Variants in NECTIN3 observed in about 807,000 individuals in gnomAD.
The protein encoded by NECTIN3 is nectin cell adhesion molecule 3, also known as nectin-3.
NECTIN3 carries 8 observed loss-of-function variants against 49.4 expected under a neutral mutation model. That is an observed-to-expected ratio of 0.16 (90% CI 0.10 to 0.29). The LOEUF is 0.29. Ranked by LOEUF, NECTIN3 falls within the 10% of genes least tolerant of loss-of-function variation. The pLI, the probability that NECTIN3 is intolerant of heterozygous loss-of-function variation, is 1.00. For synonymous variants in NECTIN3, 277 were observed against 241.1 expected (o/e 1.15, Z -1.38); for missense variants, 581 against 654.6 (o/e 0.89, Z 1.23).
intron 7 of NECTIN3, among the ~76,000 whole-genome samples, chr3:111,153,260 G>A (rs1175036062): frequency 1.3e-5 from 2 of 151,406 alleles, no homozygotes; most frequent in Non-Finnish European, 3.0e-5. Context: ...GCTCTGAGGT[G>A]GAAAAAAAAT....
chr3:111,085,823 GT>G (rs1559767787), intron 1 of NECTIN3, among the ~76,000 whole-genome samples: 1 of 151,882 alleles, frequency 6.6e-6, no homozygotes, highest in Non-Finnish European at 1.5e-5. Context: ...TGGTACTGCT[GT>G]GAACATCATC....
chr3:111,088,601 A>C (rs1576080534), intron 1 of NECTIN3, among the ~76,000 whole-genome samples: 1 of 152,156 alleles, frequency 6.6e-6, no homozygotes, highest in Non-Finnish European at 1.5e-5. Flanking sequence ...TATGGGCCCA[A>C]CATGCTTCTG....
intron 7 of NECTIN3, among the ~76,000 whole-genome samples, chr3:111,176,591 C>G (rs894424731): frequency 4.6e-5 from 7 of 152,050 alleles, no homozygotes; most frequent in African/African-American, 1.7e-4. Context: ...CAGACAGTTT[C>G]TCTTTGTATT....
intron 1 of NECTIN3, among the ~76,000 whole-genome samples, chr3:111,193,025 G>A (rs970452711): frequency 6.6e-6 from 1 of 152,162 alleles, no homozygotes; most frequent in Non-Finnish European, 1.5e-5. Flanking sequence ...GGTATTGTAA[G>A]CGACAAATGA....
At chr3:111,178,346 A>G (rs1012398869) in intron 7 of NECTIN3, among the ~76,000 whole-genome samples, 2 of 152,212 alleles carry the variant, frequency 1.3e-5, no homozygotes, top group Admixed American at 6.5e-5. Context: ...ATTACAATCT[A>G]TAATATTACA....
At chr3:111,179,772 A>T (rs1423186708) in intron 7 of NECTIN3, among the ~76,000 whole-genome samples, 1 of 151,948 alleles carries the variant, frequency 6.6e-6, no homozygotes, top group Non-Finnish European at 1.5e-5. Context: ...CGGGACCTGT[A>T]GTCCAAGCTA....
Position 111,122,227 on chromosome 3 carries a change from T to C in NECTIN3, c.906T>C (p.Ser302=). 6.2e-7 allele frequency: 1 copy of C among 1,605,546 alleles called. No homozygotes were observed. Among genetic ancestry groups the C allele is most frequent in the Non-Finnish European group, 8.5e-7 (1 of 1,172,642 alleles). ...NADANPPPFK[S]VWSRLDGQWP... is the part of the protein sequence containing the mutation. ...ATGCAAATCCACCACCCTTCAAATC[T>C]GTGTGGAGCAGGTAATGTTATATAC... Residue 302 remains serine, a synonymous_variant, in exon 4 of 6, where the codon TCT becomes TCC. Transcript: ENST00000485303.
At chr3:111,183,681 G>C (rs1325011920) in intron 7 of NECTIN3, among the ~76,000 whole-genome samples, 1 of 151,846 alleles carries the variant, frequency 6.6e-6, no homozygotes, top group Non-Finnish European at 1.5e-5. Context: ...TAAAATTATA[G>C]TTTTATTGTC....
At chr3:111,112,800 T>C (rs1418303293) in intron 2 of NECTIN3, among the ~76,000 whole-genome samples, 8 of 152,170 alleles carry the variant, frequency 5.3e-5, no homozygotes, top group African/African-American at 9.7e-5. Flanking sequence ...TATCACATTT[T>C]ATTCCTGCTA....
chr3:111,096,983 A>G (rs763261240), intron 1 of NECTIN3, among the ~76,000 whole-genome samples: 15 of 152,154 alleles, frequency 9.9e-5, no homozygotes, highest in Non-Finnish European at 1.8e-4. Flanking sequence ...GAAGAGGGCC[A>G]CTGTCCTCCA....
At chr3:111,129,478 A>G (rs1017550780) in intron 5 of NECTIN3, among the ~76,000 whole-genome samples, 11 of 152,198 alleles carry the variant, frequency 7.2e-5, no homozygotes, top group African/African-American at 2.4e-4. Context: ...TAGACGTTCA[A>G]TACAGTTTTG....
At chr3:111,158,997 C>T (rs2035154268) in intron 7 of NECTIN3, among the ~76,000 whole-genome samples, 1 of 152,112 alleles carries the variant, frequency 6.6e-6, no homozygotes, top group African/African-American at 2.4e-5. Flanking sequence ...CATTACTAGT[C>T]AACAGGTAAA....
At chr3:111,139,411 A>T (rs2034684727), downstream of NECTIN3, among the ~76,000 whole-genome samples, 1 of 151,734 alleles carries the variant, frequency 6.6e-6, no homozygotes, top group African/African-American at 2.4e-5. Context: ...TCCAGTTTAA[A>T]TTCTGCCATT....
chr3:111,116,359 G>C (rs1414130853), intron 2 of NECTIN3, among the ~76,000 whole-genome samples: 1 of 152,132 alleles, frequency 6.6e-6, no homozygotes, highest in African/African-American at 2.4e-5. Context: ...CCTAAGGACA[G>C]CACTTAGCTA....
In NECTIN3 at chr3:111,136,146, T is replaced by A; in HGVS notation, c.*1931T>A. Reference sequence around the variant, plus strand: ...TGAAAGATGTAAAACTATGGCTTTTTTTAAAATCAAAATTTCATCTTTTAA... The same window carrying A: ...TGAAAGATGTAAAACTATGGCTTTTATTAAAATCAAAATTTCATCTTTTAA... On this transcript the variant is annotated 3_prime_UTR_variant, in exon 6 of 6. Transcript: ENST00000485303. 1 of 982,802 alleles carries A rather than the reference T, an allele frequency of 1.0e-6. No homozygotes were observed. The highest frequency in any genetic ancestry group is 1.2e-6 in the Non-Finnish European group (1 of 827,728). 60.9% of individuals were successfully genotyped at this position (982,802 alleles called of 1,614,324 possible).
intron 1 of NECTIN3, chr3:111,077,038 G>T (rs2031252226): frequency 6.0e-6 from 1 of 167,938 alleles, no homozygotes; most frequent in Admixed American, 6.1e-5. Context: ...TTCTAAAAGA[G>T]TTACTAATTA....
intron 4 of NECTIN3, 69 bp downstream of exon 4, chr3:111,122,307 GT>G: frequency 8.2e-7 from 1 of 1,212,874 alleles, no homozygotes; most frequent in Non-Finnish European, 1.2e-6. Flanking sequence ...ATTCTAAATT[GT>G]TTTTATCTGT....
rs777960751 is a variant in NECTIN3 at position 111,133,648 on chromosome 3, T to A, written c.1083T>A (p.Thr361=). The change falls in exon 6 of 6, where the codon ACT becomes ACA. Residue 361 remains threonine, a synonymous_variant. Coordinates refer to ENST00000485303, the MANE Select transcript of NECTIN3 (RefSeq NM_015480.3). ...KVIYISDPPT[T]TTLQPTIQWH... ...TGTTTCCATTAGATCCTCCTACTAC[T>A]ACCACCCTTCAGCCTACAATTCAGT... 6.8e-6 allele frequency: 11 copies of A among 1,613,258 alleles called. No homozygotes were observed. Among genetic ancestry groups the A allele is most frequent in the Admixed American group, 1.7e-5 (1 of 59,904 alleles).
intron 1 of NECTIN3, among the ~76,000 whole-genome samples, chr3:111,096,875 C>T (rs971441024): frequency 2.0e-5 from 3 of 152,262 alleles, no homozygotes; most frequent in African/African-American, 7.2e-5. Flanking sequence ...GGTTGGGGCC[C>T]TCATGGAGAA....
Sources: allele counts gnomAD v4.1 joint callset (sites outside exome capture counted in the v4.1 genomes callset), GRCh38; gene constraint gnomAD v4.1.1; transcripts MANE v1.5; gene names NCBI Gene and HGNC (gene_info 2026-07-23, HGNC 2026-07-21).